The following CHN1 variants were observed in gnomAD, a reference collection of about 807,000 sequenced individuals.
CHN1 encodes the protein N-chimaerin.
CHN1 carries 37 observed loss-of-function variants against 59.5 expected under a neutral mutation model. The observed-to-expected ratio is 0.62, with a 90% CI of 0.48 to 0.82. CHN1 has a LOEUF of 0.82. Among genes scored for constraint, CHN1 ranks in the 40% least tolerant of loss-of-function variants. CHN1 has a pLI of 0.00. For synonymous variants in CHN1, 206 were observed against 200.4 expected (o/e 1.03, Z -0.24); for missense variants, 469 against 571.0 (o/e 0.82, Z 1.82).
chr2:174,970,872 CT>C (rs1194345453), intron 1 of CHN1, among the ~76,000 whole-genome samples: 1 of 152,122 alleles, frequency 6.6e-6, no homozygotes, highest in Non-Finnish European at 1.5e-5. Context: ...AACTATATAT[CT>C]GTATAAGGCC....
At chr2:174,950,091 T>C (rs933905554) in intron 2 of CHN1, among the ~76,000 whole-genome samples, 1 of 151,948 alleles carries the variant, frequency 6.6e-6, no homozygotes, top group Non-Finnish European at 1.5e-5. Context: ...TGAGACCTCG[T>C]AGTCTACAAA....
chr2:174,839,925 T>C (rs1035514671), intron 7 of CHN1, among the ~76,000 whole-genome samples: 13 of 151,856 alleles, frequency 8.6e-5, no homozygotes, highest in Admixed American at 7.2e-4. Flanking sequence ...TTTAAGAGGG[T>C]AGATCTCATG....
chr2:174,992,787 C>A (rs1157596128), intron 1 of CHN1, among the ~76,000 whole-genome samples: 1 of 151,750 alleles, frequency 6.6e-6, no homozygotes, highest in African/African-American at 2.4e-5. Flanking sequence ...AATCCCTCTA[C>A]TTTTGATATC....
intron 5 of CHN1, 100 bp downstream of exon 5, chr2:174,914,958 G>C (rs2105370154): frequency 1.7e-6 from 1 of 602,000 alleles, no homozygotes; most frequent in South Asian, 3.6e-5. Context: ...AAGAAAACAA[G>C]AACCAATTCA....
intron 2 of CHN1, among the ~76,000 whole-genome samples, chr2:174,945,444 T>C (rs990470083): frequency 3.3e-5 from 5 of 152,170 alleles, no homozygotes; most frequent in African/African-American, 9.6e-5. Context: ...TGAGCCAAAG[T>C]TACCACTGCT....
At chr2:174,960,592 C>G (rs1690365063) in intron 1 of CHN1, among the ~76,000 whole-genome samples, 1 of 152,176 alleles carries the variant, frequency 6.6e-6, no homozygotes, top group African/African-American at 2.4e-5. Flanking sequence ...CCTGTAATCC[C>G]AGCACTCTGG....
intron 7 of CHN1, among the ~76,000 whole-genome samples, chr2:174,840,728 A>G (rs1686271355): frequency 6.6e-6 from 1 of 152,146 alleles, no homozygotes; most frequent in South Asian, 2.1e-4. Flanking sequence ...GACACTGTTA[A>G]GGGATTTTTC....
At chr2:174,877,351 T>C (rs574667472) in intron 6 of CHN1, among the ~76,000 whole-genome samples, 1 of 152,166 alleles carries the variant, frequency 6.6e-6, no homozygotes, top group South Asian at 2.1e-4. Context: ...TATTCAAGAA[T>C]GACTGACTCC....
chr2:174,918,721 G>A (rs1688920093), intron 3 of CHN1, among the ~76,000 whole-genome samples, 156 bp from the exon 4 acceptor site: 1 of 152,104 alleles, frequency 6.6e-6, no homozygotes, highest in Non-Finnish European at 1.5e-5. Flanking sequence ...GGTTACCTGT[G>A]CCATTTGGAC....
intron 6 of CHN1, among the ~76,000 whole-genome samples, chr2:174,869,675 T>C (rs1687341502): frequency 6.6e-6 from 1 of 152,198 alleles, no homozygotes; most frequent in African/African-American, 2.4e-5. Context: ...TAAAAAGTTA[T>C]CTTTTTAAAA....
At chr2:174,865,650 G>C (rs1231323749) in intron 6 of CHN1, among the ~76,000 whole-genome samples, 4 of 152,172 alleles carry the variant, frequency 2.6e-5, no homozygotes, top group African/African-American at 7.2e-5. Context: ...GAAATGTATA[G>C]TAGGGAGCTA....
chr2:174,839,103 T>G lies in CHN1; in HGVS notation c.627+7777A>C, dbSNP rs12329174. Among the ~76,000 whole-genome samples, 359 of 152,314 alleles carry G rather than the reference T, an allele frequency of 2.4e-3. 5 individuals are homozygous for G. Among genetic ancestry groups the G allele is most frequent in the African/African-American group, 7.7e-3 (318 of 41,560 alleles). On this transcript the variant is annotated intron_variant, in intron 7 of 12. Transcript: ENST00000409900. ...TTATATTTACTGTGTACAACATGTT[T>G]TGAAATGCAAATACATTGTGAAATG... is the stretch of plus-strand genomic sequence containing the variant.
At chr2:174,958,690 A>G (rs1428747323) in intron 1 of CHN1, among the ~76,000 whole-genome samples, 1 of 152,250 alleles carries the variant, frequency 6.6e-6, no homozygotes, top group African/African-American at 2.4e-5. Context: ...ATTTATTTAT[A>G]AAATGGAATA....
chr2:174,866,019 A>G (rs961859596), intron 6 of CHN1, among the ~76,000 whole-genome samples: 2 of 152,332 alleles, frequency 1.3e-5, no homozygotes, highest in Admixed American at 6.5e-5. Flanking sequence ...CTCTTCTTCA[A>G]AGTAGATGCC....
At chr2:174,827,288 AATG>A (rs929641163) in intron 7 of CHN1, among the ~76,000 whole-genome samples, 11 of 152,332 alleles carry the variant, frequency 7.2e-5, no homozygotes, top group East Asian at 1.9e-4. Context: ...ACATTTATTA[AATG>A]ATGATCTATA....
chr2:174,905,036 T>A (rs2105360360), intron 5 of CHN1, among the ~76,000 whole-genome samples: 1 of 152,284 alleles, frequency 6.6e-6, no homozygotes, highest in East Asian at 1.9e-4. Context: ...TAAAAGATAA[T>A]TCACATATTT....
rs776728291 is a variant in CHN1, at chr2:174,809,051, G to T, written c.965-9C>A. The T allele has an allele frequency of 6.3e-7, 1 of 1,596,554 alleles. No individual in the cohort carries two copies. The highest frequency in any genetic ancestry group is 1.7e-5 in the Admixed American group (1 of 58,530). ...ATCTGCCTTCTCACCATCTTTTAAGGATGTTGAAAGAAATAAAAGTAAATA... is the reference window on the plus strand; with the variant it reads ...ATCTGCCTTCTCACCATCTTTTAAGTATGTTGAAAGAAATAAAAGTAAATA... On this transcript the variant is annotated splice_polypyrimidine_tract_variant and intron_variant, in intron 10 of 12. Transcript: ENST00000409900.
At chr2:174,814,934 C>T (rs1685196118) in intron 8 of CHN1, among the ~76,000 whole-genome samples, 1 of 152,094 alleles carries the variant, frequency 6.6e-6, no homozygotes, top group East Asian at 1.9e-4. Flanking sequence ...TGACTGCTTT[C>T]ACCATATTTG....
At chr2:174,949,898 T>A (rs994979790) in intron 2 of CHN1, among the ~76,000 whole-genome samples, 1 of 152,178 alleles carries the variant, frequency 6.6e-6, no homozygotes, top group Non-Finnish European at 1.5e-5. Context: ...TTAAAATGAT[T>A]ACGGGGAGTT....
Sources: allele counts gnomAD v4.1 joint callset (sites outside exome capture counted in the v4.1 genomes callset), GRCh38; gene constraint gnomAD v4.1.1; transcripts MANE v1.5; gene names NCBI Gene and HGNC (gene_info 2026-07-23, HGNC 2026-07-21).